Variants in CAMTA1 observed in about 807,000 individuals in gnomAD.
The protein encoded by CAMTA1 is calmodulin binding transcription activator 1, also known as calmodulin-binding transcription activator 1.
Under a neutral mutation model 170.9 loss-of-function variants are expected in CAMTA1, and 27 were observed. That is an observed-to-expected ratio of 0.16 (90% confidence interval 0.12 to 0.22). The LOEUF is 0.22. Ranked by LOEUF, CAMTA1 falls within the 10% of genes least tolerant of loss-of-function variation. The probability of loss-of-function intolerance (pLI) is 1.00; values close to 1 mark genes in which losing one functional copy is unlikely to be tolerated. For missense variants in CAMTA1, 1,619 were observed against 2,217.2 expected (o/e 0.73, Z 5.42); for synonymous variants, 833 against 891.5 (o/e 0.93, Z 1.17).
Position 7,196,141 on chromosome 1 carries a change from G to A in CAMTA1, c.303-53350G>A, listed in dbSNP as rs140506072. Among the ~76,000 whole-genome samples the A allele has an allele frequency of 4.0e-3, 606 of 152,268 alleles. 4 individuals carry two copies. Among genetic ancestry groups the A allele is most frequent in the African/African-American group, 0.014 (588 of 41,540 alleles). ...GTCAGGTTTCCCCCTTGCTGTTCTC[G>A]TGATAGTGAGTTCTCAGGAGAACTG... On this transcript the variant is annotated intron_variant, in intron 4 of 22. Coordinates refer to ENST00000303635, the MANE Select transcript of CAMTA1 (RefSeq NM_015215.4).
At chr1:7,552,554 G>A (rs1005689744) in intron 6 of CAMTA1, among the ~76,000 whole-genome samples, 5 of 152,248 alleles carry the variant, frequency 3.3e-5, no homozygotes, top group Non-Finnish European at 5.9e-5. Flanking sequence ...AAGGAAGGAG[G>A]AAGTCCAGAA....
chr1:7,549,233 C>CTGGTGG, intron 6 of CAMTA1, among the ~76,000 whole-genome samples: 2 of 141,002 alleles, frequency 1.4e-5, no homozygotes, highest in African/African-American at 5.3e-5. Flanking sequence ...GGCACCCATG[C>CTGGTGG]AGGGTCCCTC....
rs1356937773 is a variant in CAMTA1, at chr1:6,934,095, G to A, written c.234+108885G>A. 6.6e-6 allele frequency among the ~76,000 whole-genome samples: 1 copy of A among 152,154 alleles called. No homozygotes were observed. Among genetic ancestry groups the A allele is most frequent in the Non-Finnish European group, 1.5e-5 (1 of 68,020 alleles). On this transcript the variant is annotated intron_variant, in intron 3 of 22. Transcript: ENST00000303635. This position sits in a 1 kb window ranked among gnomAD's most constrained non-coding sequence, Gnocchi z 4.5. ...CTGGAGCTATGCCACCTGCTGTCCT[G>A]CCACACCGGTGGGTGTAGGACCATA...
intron 5 of CAMTA1, among the ~76,000 whole-genome samples, chr1:7,384,328 T>C (rs1277235846): frequency 6.6e-6 from 1 of 152,204 alleles, no homozygotes; most frequent in Non-Finnish European, 1.5e-5. Flanking sequence ...GCAGCTGGCC[T>C]GGTGCAGGAA....
At chr1:6,851,475 A>C (rs558916806) in intron 3 of CAMTA1, among the ~76,000 whole-genome samples, 2 of 152,350 alleles carry the variant, frequency 1.3e-5, no homozygotes, top group South Asian at 4.1e-4. Flanking sequence ...AGTGCTGCAG[A>C]AGCAGTATTT....
chr1:6,932,465 A>C (rs1684580911), intron 3 of CAMTA1, among the ~76,000 whole-genome samples: 1 of 152,204 alleles, frequency 6.6e-6, no homozygotes, highest in African/African-American at 2.4e-5. Context: ...TTATAAATAA[A>C]GCTGCTGTGA....
At chr1:7,516,588 C>T (rs2094289985) in intron 6 of CAMTA1, among the ~76,000 whole-genome samples, 1 of 152,196 alleles carries the variant, frequency 6.6e-6, no homozygotes, top group South Asian at 2.1e-4. Flanking sequence ...CCTGCTTAGA[C>T]ATTTCAGGAT....
intron 3 of CAMTA1, among the ~76,000 whole-genome samples, chr1:7,035,860 T>C (rs1368245409): frequency 1.3e-5 from 2 of 152,310 alleles, no homozygotes; most frequent in East Asian, 3.9e-4. Context: ...GGCAAATAAA[T>C]TGCAGTATTC....
rs560146865 is a variant in CAMTA1 at position 6,965,048 on chromosome 1, C to T, written c.235-126256C>T. Reference sequence around the variant, plus strand: ...TGCTAACAGAGAGGGAGGGTCTTGTCTGGGAGACTTGCCTGACCCTCTCTT... The same window carrying T: ...TGCTAACAGAGAGGGAGGGTCTTGTTTGGGAGACTTGCCTGACCCTCTCTT... On this transcript the variant is annotated intron_variant, in intron 3 of 22. Transcript: ENST00000303635. The surrounding 1 kb of genome is among the most constrained non-coding windows in gnomAD (Gnocchi z 4.1). 2.2e-4 allele frequency among the ~76,000 whole-genome samples: 33 copies of T among 152,190 alleles called. No homozygotes were observed. The highest frequency in any genetic ancestry group is 7.5e-4 in the African/African-American group (31 of 41,446).
chr1:7,380,403 C>T (rs1473078596), intron 5 of CAMTA1, among the ~76,000 whole-genome samples: 7 of 152,054 alleles, frequency 4.6e-5, no homozygotes, highest in East Asian at 3.9e-4. Context: ...GGAGAAACCC[C>T]GTCTCTACTA....
At chr1:7,419,159 T>C (rs560940997) in intron 5 of CAMTA1, among the ~76,000 whole-genome samples, 38 of 151,998 alleles carry the variant, frequency 2.5e-4, no homozygotes, top group African/African-American at 8.9e-4. Context: ...TTTATTTTTA[T>C]TTATGTATTT....
At chr1:7,441,140 T>TA (rs2092520068) in intron 5 of CAMTA1, 2 of 152,210 alleles carry the variant, frequency 1.3e-5, no homozygotes, top group Non-Finnish European at 2.9e-5. Context: ...CTTGTGGAGT[T>TA]TTCTACTTCT....
At chr1:7,430,012 C>T (rs1437407637) in intron 5 of CAMTA1, among the ~76,000 whole-genome samples, 1 of 152,166 alleles carries the variant, frequency 6.6e-6, no homozygotes, top group Non-Finnish European at 1.5e-5. Context: ...CACCTCCCAC[C>T]AGGCCCTACC....
chr1:7,230,469 G>A (rs1258960036), intron 4 of CAMTA1, among the ~76,000 whole-genome samples: 2 of 128,422 alleles, frequency 1.6e-5, no homozygotes, highest in African/African-American at 6.1e-5. Context: ...TGTGGAAAGC[G>A]CCTTACCTGC....
chr1:7,598,464 T>C (rs919511739), intron 6 of CAMTA1, among the ~76,000 whole-genome samples: 2 of 152,202 alleles, frequency 1.3e-5, no homozygotes, highest in Admixed American at 6.5e-5. Flanking sequence ...AATGGGATGG[T>C]TGGGTCAAAT....
chr1:7,753,005 T>TAGA (rs2096908215), intron 21 of CAMTA1, among the ~76,000 whole-genome samples: 1 of 152,208 alleles, frequency 6.6e-6, no homozygotes, highest in African/African-American at 2.4e-5. Flanking sequence ...TGGTGCCCTC[T>TAGA]GCTGGTCATG....
chr1:7,558,810 T>C (rs981928542), intron 6 of CAMTA1, among the ~76,000 whole-genome samples: 1 of 152,258 alleles, frequency 6.6e-6, no homozygotes, highest in Non-Finnish European at 1.5e-5. Flanking sequence ...TCAGCAGCTG[T>C]AGTCATTAAG....
chr1:7,385,561 A>G (rs115117531), intron 5 of CAMTA1, among the ~76,000 whole-genome samples: 98 of 152,296 alleles, frequency 6.4e-4, no homozygotes, highest in African/African-American at 1.9e-3. Context: ...AAGGGCCCTT[A>G]GAGGCCACTC....
At chr1:7,723,184 G>GT (rs2096660667) in intron 11 of CAMTA1, among the ~76,000 whole-genome samples, 1 of 152,168 alleles carries the variant, frequency 6.6e-6, no homozygotes, top group Admixed American at 6.5e-5. Context: ...GAAATGGACA[G>GT]TTCTAGGATT....
Sources: allele counts gnomAD v4.1 joint callset (sites outside exome capture counted in the v4.1 genomes callset), GRCh38; gene constraint gnomAD v4.1.1; non-coding constraint Gnocchi (gnomAD v3.1); transcripts MANE v1.5; gene names NCBI Gene and HGNC (gene_info 2026-07-23, HGNC 2026-07-21).